EFNA3: variants seen among roughly 807,000 people sequenced by gnomAD.
EFNA3 encodes the protein ephrin A3.
Under a neutral mutation model 25.0 loss-of-function variants are expected in EFNA3, and 15 were observed. That is an observed-to-expected ratio of 0.60 (90% confidence interval 0.40 to 0.92). EFNA3 has a LOEUF of 0.92. EFNA3 is among the 40% of genes least tolerant of loss of function. The pLI is 0.00. For missense variants in EFNA3, 298 were observed against 323.8 expected (o/e 0.92, Z 0.61); for synonymous variants, 153 against 145.6 (o/e 1.05, Z -0.37).
rs1330318801 is a variant in EFNA3, at chr1:155,081,687, C to T, written c.128+2618C>T. ...GCGTCTCTGTCTCCGTCTCCGCCGT[C>T]TGTGGGCCTCTCTGGCCTGCCTGTC... On this transcript the variant is annotated intron_variant, in intron 1 of 4. Coordinates refer to ENST00000368408, the MANE Select transcript of EFNA3 (RefSeq NM_004952.5). This position sits in a 1 kb window ranked among gnomAD's most constrained non-coding sequence, Gnocchi z 5.2. Among the ~76,000 whole-genome samples, 1 of 152,172 alleles carries T rather than the reference C, an allele frequency of 6.6e-6. No homozygotes were observed. Among genetic ancestry groups the T allele is most frequent in the Admixed American group, 6.5e-5 (1 of 15,284 alleles).
chr1:155,086,490 C>T lies in EFNA3; in HGVS notation c.664C>T (p.Leu222=), dbSNP rs770016903. Residue 222 remains leucine (L), a synonymous_variant, in exon 5 of 5, where the codon CTG becomes TTG. Transcript: ENST00000368408. ...ISGTSPKREH[L]PLAVGIAFFL... ...CGGGACCAGCCCCAAACGGGAACACCTGCCCCTGGCCGTGGGCATCGCCTT... is the reference window on the plus strand; with the variant it reads ...CGGGACCAGCCCCAAACGGGAACACTTGCCCCTGGCCGTGGGCATCGCCTT... The T allele has an allele frequency of 3.7e-6, 6 of 1,614,138 alleles. No individual in the cohort carries two copies. The highest frequency in any genetic ancestry group is 1.7e-5 in the Admixed American group (1 of 60,020).
chr1:155,081,314 G>A lies in EFNA3; in HGVS notation c.128+2245G>A, dbSNP rs916684167. ...GACTGTATTGGAGCGATGCATTAGA[G>A]TATGAGGTCGAGGAGTCCCCTAAGC... On this transcript the variant is annotated intron_variant, in intron 1 of 4. Coordinates refer to ENST00000368408, the MANE Select transcript of EFNA3 (RefSeq NM_004952.5). This position sits in a 1 kb window ranked among gnomAD's most constrained non-coding sequence, Gnocchi z 5.2. 9.2e-5 allele frequency among the ~76,000 whole-genome samples: 14 copies of A among 152,238 alleles called. No individual in the cohort carries two copies. Among genetic ancestry groups the A allele is most frequent in the Non-Finnish European group, 2.1e-4 (14 of 68,042 alleles).
intron 1 of EFNA3, among the ~76,000 whole-genome samples, 176 bp from the exon 2 acceptor site, chr1:155,084,915 T>C (rs1192999946): frequency 6.6e-6 from 1 of 152,082 alleles, no homozygotes; most frequent in East Asian, 1.9e-4. Flanking sequence ...GGAAGGAGAC[T>C]TAGGGGAGCG....
At chr1:155,086,232 G>A in intron 4 of EFNA3, 27 bp downstream of exon 4, 3 of 1,612,674 alleles carry the variant, frequency 1.9e-6, no homozygotes, top group Non-Finnish European at 2.5e-6. Context: ...CCCTCTGGTG[G>A]CCACTGCTGG....
In EFNA3 at chr1:155,078,930, GC is replaced by G; in HGVS notation, c.-11del. 1 of 1,386,634 alleles carries G rather than the reference GC, an allele frequency of 7.2e-7. No individual in the cohort carries two copies. The highest frequency in any genetic ancestry group is 1.7e-5 in the South Asian group (1 of 58,630). The allele number at this position is 1,386,634 out of a possible 1,614,324, so 85.9% of individuals were successfully genotyped here. On this transcript the variant is annotated 5_prime_UTR_variant, in exon 1 of 5. Transcript: ENST00000368408. ...GCTCAGTCGGGGGGCGGCGGCGGCGGCGGCTCCGGGGATGGCGGCGGCTCCG... is the reference window on the plus strand; with the variant it reads ...GCTCAGTCGGGGGGCGGCGGCGGCGGGGCTCCGGGGATGGCGGCGGCTCCG...
At chr1:155,084,524 C>A (rs1448046805) in intron 1 of EFNA3, among the ~76,000 whole-genome samples, 1 of 152,240 alleles carries the variant, frequency 6.6e-6, no homozygotes, top group Non-Finnish European at 1.5e-5. Flanking sequence ...CATGAAGCCG[C>A]CATACATGCG....
At chr1:155,086,103 T>TGCCCCCCCCCCC in intron 3 of EFNA3, 25 bp from the exon 4 acceptor site, 1 of 1,577,728 alleles carries the variant, frequency 6.3e-7, no homozygotes, top group East Asian at 2.3e-5. Flanking sequence ...CCCTCCTCTC[T>TGCCCCCCCCCCC]CCCCACCCGC....
In EFNA3 at chr1:155,080,076, C is replaced by A. The variant is rs1246220333; in HGVS notation, c.128+1007C>A. On this transcript the variant is annotated intron_variant, in intron 1 of 4. Coordinates refer to ENST00000368408, the MANE Select transcript of EFNA3 (RefSeq NM_004952.5). This position sits in a 1 kb window ranked among gnomAD's most constrained non-coding sequence, Gnocchi z 7.0. ...CCCCGCCAAGCCGCCGTGTGTATCT[C>A]CCTGGCCACATCAGTGTGTGTCTGT... Among the ~76,000 whole-genome samples the A allele has an allele frequency of 6.6e-6, 1 of 152,114 alleles. No homozygotes were observed. Among genetic ancestry groups the A allele is most frequent in the Non-Finnish European group, 1.5e-5 (1 of 67,996 alleles).
Position 155,085,486 on chromosome 1 carries a change from G to A in EFNA3, c.442+82G>A. On this transcript the variant is annotated intron_variant, in intron 2 of 4. Coordinates refer to ENST00000368408, the MANE Select transcript of EFNA3 (RefSeq NM_004952.5). The surrounding 1 kb of genome is among the most constrained non-coding windows in gnomAD (Gnocchi z 4.4). Reference sequence around the variant, plus strand: ...GGGGGTGGAGCCCCTAGGCTCCGGGGCGGGGCCGGCGCGGCGGGCGCCAGG... The same window carrying A: ...GGGGGTGGAGCCCCTAGGCTCCGGGACGGGGCCGGCGCGGCGGGCGCCAGG... The A allele has an allele frequency of 7.0e-7, 1 of 1,433,392 alleles. No individual in the cohort carries two copies. The highest frequency in any genetic ancestry group is 9.2e-7 in the Non-Finnish European group (1 of 1,085,186). The allele number at this position is 1,433,392 out of a possible 1,614,324, so 88.8% of individuals were successfully genotyped here. A position where few individuals can be genotyped will look rare whatever the true frequency, so the allele number is the denominator to read the frequency against.
rs1663323721 is a variant in EFNA3 at position 155,080,578 on chromosome 1, C to T, written c.128+1509C>T. The stretch of plus-strand genomic sequence containing the variant: ...AGAGTCTGGCGGGGAACGGAGAGCT[C>T]GCAGGTGAGGGGCCCCGGGTTCCCC... On this transcript the variant is annotated intron_variant, in intron 1 of 4. Coordinates refer to ENST00000368408, the MANE Select transcript of EFNA3 (RefSeq NM_004952.5). This position sits in a 1 kb window ranked among gnomAD's most constrained non-coding sequence, Gnocchi z 7.0. Among the ~76,000 whole-genome samples, 1 of 152,164 alleles carries T rather than the reference C, an allele frequency of 6.6e-6. No homozygotes were observed. The highest frequency in any genetic ancestry group is 1.5e-5 in the Non-Finnish European group (1 of 68,012).
rs1471141350 is a variant in EFNA3 at position 155,078,894 on chromosome 1, G to A, written c.-48G>A. ...CAGGGAGCTGGGAAGCGGAGAAGCC[G>A]GGAGCGCGGGGCTCAGTCGGGGGGC... is the stretch of plus-strand genomic sequence containing the variant. On this transcript the variant is annotated 5_prime_UTR_variant, in exon 1 of 5. Transcript: ENST00000368408. The A allele has an allele frequency of 1.5e-6, 2 of 1,343,470 alleles. No individual in the cohort carries two copies. Among genetic ancestry groups the A allele is most frequent in the East Asian group, 6.3e-5 (2 of 31,526 alleles). 83.2% of individuals were successfully genotyped at this position (1,343,470 alleles called of 1,614,324 possible). A position where few individuals can be genotyped will look rare whatever the true frequency, so the allele number is the denominator to read the frequency against.
chr1:155,086,135 C>A lies in EFNA3; in HGVS notation c.516C>A (p.His172Gln), dbSNP rs1290278431. 6.2e-7 allele frequency: 1 copy of A among 1,612,334 alleles called. No individual in the cohort carries two copies. The highest frequency in any genetic ancestry group is 1.1e-5 in the South Asian group (1 of 91,022). The change falls in exon 4 of 5, where the codon CAC (histidine) becomes CAA (glutamine). Residue 172 changes from histidine to glutamine, a missense_variant. His to Gln is a conservative substitution (Grantham distance 24). Coordinates refer to ENST00000368408, the MANE Select transcript of EFNA3 (RefSeq NM_004952.5). ...KVFVCCASTSHSGEKPVPTLP... is the reference protein window; with the variant it reads ...KVFVCCASTSQSGEKPVPTLP... ...CCGCACCCCACCCCGCAGCATCGCACTCCGGGGAGAAGCCGGTCCCCACTC... is the reference window on the plus strand; with the variant it reads ...CCGCACCCCACCCCGCAGCATCGCAATCCGGGGAGAAGCCGGTCCCCACTC...
rs1663454076 is a variant in EFNA3 at position 155,086,203 on chromosome 1, T to G, written c.584T>G (p.Leu195Arg). 6.2e-7 allele frequency: 1 copy of G among 1,613,034 alleles called. No individual in the cohort carries two copies. Among genetic ancestry groups the G allele is most frequent in the Non-Finnish European group, 8.5e-7 (1 of 1,179,526 alleles). ...GGCCCCAATGTGAAGATCAACGTGC[T>G]GGGTGAGTCTGCGCAGCGCCCTCTG... ...TMGPNVKINV[L>R]EDFEGENPQV... The change falls in exon 4 of 5, where the codon CTG becomes CGG. Residue 195 changes from leucine to arginine, a missense_variant and splice_region_variant. Leu to Arg is a moderately radical substitution (Grantham distance 102). Coordinates refer to ENST00000368408, the MANE Select transcript of EFNA3 (RefSeq NM_004952.5).
At position 155,085,151 on chromosome 1, in the gene EFNA3, C is replaced by T. The variant is rs756129857; in HGVS notation, c.189C>T (p.Cys63=). The T allele has an allele frequency of 8.1e-6, 13 of 1,613,572 alleles. No homozygotes were observed. Among genetic ancestry groups the T allele is most frequent in the South Asian group, 2.2e-5 (2 of 91,084 alleles). Residue 63 remains cysteine (C), a synonymous_variant, in exon 2 of 5, where the codon TGC becomes TGT. Transcript: ENST00000368408. The surrounding 1 kb of genome is among the most constrained non-coding windows in gnomAD (Gnocchi z 4.4). ...VNVNDYLDIY[C]PHYNSSGVGP... ...TGAACGACTATCTGGATATTTACTG[C>T]CCGCACTACAACAGCTCGGGGGTGG...
At chr1:155,084,974 C>G in intron 1 of EFNA3, 117 bp from the exon 2 acceptor site, 1 of 1,207,100 alleles carries the variant, frequency 8.3e-7, no homozygotes, top group South Asian at 1.4e-5. Flanking sequence ...CGCGAGGAAG[C>G]TCGGAGGAAA....
Position 155,085,367 on chromosome 1 carries a change from C to G in EFNA3, c.405C>G (p.Gly135=), listed in dbSNP as rs138967579. 3 of 1,611,230 alleles carry G rather than the reference C, an allele frequency of 1.9e-6. No homozygotes were observed. Among genetic ancestry groups the G allele is most frequent in the Non-Finnish European group, 8.5e-7 (1 of 1,178,502 alleles). ...KFQRYSAFSL[G]YEFHAGHEYY... is the part of the protein sequence containing the mutation. ...AGCGCTACAGCGCCTTCTCTCTGGG[C>G]TACGAGTTCCACGCCGGCCACGAGT... Residue 135 remains glycine, a synonymous_variant, in exon 2 of 5, where the codon GGC becomes GGG. Coordinates refer to ENST00000368408, the MANE Select transcript of EFNA3 (RefSeq NM_004952.5). This position sits in a 1 kb window ranked among gnomAD's most constrained non-coding sequence, Gnocchi z 4.4.
rs1663289828 is a variant in EFNA3 at position 155,079,018 on chromosome 1, G to C, written c.77G>C (p.Gly26Ala). 3.5e-6 allele frequency: 5 copies of C among 1,426,212 alleles called. No individual in the cohort carries two copies. Among genetic ancestry groups the C allele is most frequent in the Non-Finnish European group, 4.6e-6 (5 of 1,085,824 alleles). 88.3% of individuals were successfully genotyped at this position (1,426,212 alleles called of 1,614,324 possible). Reference sequence around the variant, plus strand: ...CTGCCGCTGCTGGCCCAAGGGCCCGGAGGGGCGCTGGGAAACCGGCATGCG... The same window carrying C: ...CTGCCGCTGCTGGCCCAAGGGCCCGCAGGGGCGCTGGGAAACCGGCATGCG... ...PLLPLLAQGP[G>A]GALGNRHAVY... The change falls in exon 1 of 5, where the codon GGA becomes GCA. Residue 26 changes from glycine (G) to alanine (A), a missense_variant. Transcript: ENST00000368408. The surrounding 1 kb of genome is among the most constrained non-coding windows in gnomAD (Gnocchi z 7.7).
At position 155,086,108 on chromosome 1, in the gene EFNA3, A is replaced by T; in HGVS notation, c.509-20A>T. On this transcript the variant is annotated intron_variant, in intron 3 of 4. Coordinates refer to ENST00000368408, the MANE Select transcript of EFNA3 (RefSeq NM_004952.5). ...CCTGACTCTCCCCTCCTCTCTCCCC[A>T]CCCGCACCCCACCCCGCAGCATCGC... 1 of 973,116 alleles carries T rather than the reference A, an allele frequency of 1.0e-6. No homozygotes were observed. The highest frequency in any genetic ancestry group is 1.5e-6 in the Non-Finnish European group (1 of 657,898). The allele number at this position is 973,116 out of a possible 1,614,324, so 60.3% of individuals were successfully genotyped here. A position where few individuals can be genotyped will look rare whatever the true frequency, so the allele number is the denominator to read the frequency against.
At chr1:155,084,182 A>T (rs1663399968) in intron 1 of EFNA3, among the ~76,000 whole-genome samples, 1 of 152,210 alleles carries the variant, frequency 6.6e-6, no homozygotes, top group Non-Finnish European at 1.5e-5. Context: ...TTGAGGAAGG[A>T]GGTGCACAAT....
Sources: gnomAD v4.1 joint callset for allele counts (sites outside exome capture counted in the v4.1 genomes callset) on GRCh38, gnomAD v4.1.1 for gene constraint, Gnocchi (gnomAD v3.1) non-coding constraint, MANE v1.5 for transcripts, NCBI Gene and HGNC (gene_info 2026-07-23, HGNC 2026-07-21) for gene names.